DMXL2: variants seen among roughly 807,000 people sequenced by gnomAD.
DMXL2 encodes dmX-like protein 2.
In DMXL2, 103 loss-of-function variants were observed where a neutral mutation model predicts 331.1. That is an observed-to-expected ratio of 0.31 (90% CI 0.27 to 0.37). The LOEUF is 0.37. Ranked by LOEUF, DMXL2 falls within the 10% of genes least tolerant of loss-of-function variation. The pLI is 1.00. For missense variants in DMXL2, 3,171 were observed against 3,642.9 expected, an observed-to-expected ratio of 0.87 and a Z score of 3.33; for synonymous variants, 1,281 against 1,252.1, an observed-to-expected ratio of 1.02 and a Z score of -0.49.
chr15:51,453,028 G>A (rs2039291349), intron 41 of DMXL2, among the ~76,000 whole-genome samples: 3 of 152,194 alleles, frequency 2.0e-5, no homozygotes. Flanking sequence ...GTAAGTGGGA[G>A]CTAAGCTATG....
intron 1 of DMXL2, among the ~76,000 whole-genome samples, chr15:51,619,559 C>G (rs1264927226): frequency 6.6e-6 from 1 of 152,114 alleles, no homozygotes; most frequent in Non-Finnish European, 1.5e-5. Flanking sequence ...CACAGCCAAC[C>G]AATCACGCCA....
In DMXL2 at chr15:51,458,547, T is replaced by G. The variant is rs778425893; in HGVS notation, c.8157A>C (p.Ser2719=). 6.2e-7 allele frequency: 1 copy of G among 1,613,952 alleles called. No individual in the cohort carries two copies. The highest frequency in any genetic ancestry group is 1.1e-5 in the South Asian group (1 of 91,068). The change falls in exon 36 of 44, where the codon TCA becomes TCC. Residue 2719 remains serine, a synonymous_variant. Transcript: ENST00000560891. ...CATATTCTTCTCCGATCCATATGTATGACTGACAGGCCAGTAGAGAAGTAA... is the reference window on the plus strand; with the variant it reads ...CATATTCTTCTCCGATCCATATGTAGGACTGACAGGCCAGTAGAGAAGTAA... ...LDVTSLLACQ[S]YIWIGEEYDR...
At chr15:51,578,581 T>G (rs1384371043) in intron 1 of DMXL2, among the ~76,000 whole-genome samples, 1 of 152,208 alleles carries the variant, frequency 6.6e-6, no homozygotes, top group South Asian at 2.1e-4. Flanking sequence ...AAAATCTACA[T>G]GGATAAAATA....
At chr15:51,565,266 C>G (rs771614968) in intron 3 of DMXL2, 100 bp from the exon 4 acceptor site, 8 of 642,360 alleles carry the variant, frequency 1.2e-5, no homozygotes, top group African/African-American at 5.8e-5. Context: ...CAACTTAAGA[C>G]TTTAAGATCT....
chr15:51,556,609 C>T (rs1432144336), intron 6 of DMXL2, among the ~76,000 whole-genome samples: 3 of 151,592 alleles, frequency 2.0e-5, no homozygotes, highest in Non-Finnish European at 4.4e-5. Flanking sequence ...TTCATCTCTA[C>T]CAAAAATACA....
intron 1 of DMXL2, among the ~76,000 whole-genome samples, chr15:51,590,613 A>T (rs2052227982): frequency 6.6e-6 from 1 of 152,034 alleles, no homozygotes; most frequent in Non-Finnish European, 1.5e-5. Flanking sequence ...AGTTGGACTC[A>T]AACTCCTAGG....
At position 51,553,789 on chromosome 15, in the gene DMXL2, T is replaced by TA. The variant is rs34022999; in HGVS notation, c.568-6382dup. Among the ~76,000 whole-genome samples, 1,401 of 147,304 alleles carry TA rather than the reference T, an allele frequency of 9.5e-3. 21 individuals carry two copies. The highest frequency in any genetic ancestry group is 0.033 in the African/African-American group (1,335 of 40,006). ...CATATTGGATGCCACATGCAGGGTTTAAAAAAAAAAAAAGAGTAGAGTATA... is the reference window on the plus strand; with the variant it reads ...CATATTGGATGCCACATGCAGGGTTTAAAAAAAAAAAAAAGAGTAGAGTATA... On this transcript the variant is annotated intron_variant, in intron 6 of 43. Coordinates refer to ENST00000560891, the MANE Select transcript of DMXL2 (RefSeq NM_001378457.1).
intron 1 of DMXL2, among the ~76,000 whole-genome samples, chr15:51,590,008 T>C (rs992185629): frequency 6.6e-6 from 1 of 152,228 alleles, no homozygotes; most frequent in Admixed American, 6.5e-5. Flanking sequence ...GTATTGTTCA[T>C]CTTATTCACA....
At chr15:51,548,710 T>C (rs899697578) in intron 6 of DMXL2, among the ~76,000 whole-genome samples, 1 of 152,098 alleles carries the variant, frequency 6.6e-6, no homozygotes, top group African/African-American at 2.4e-5. Flanking sequence ...CTATTTCATC[T>C]GTTATTGTCT....
chr15:51,542,504 T>C lies in DMXL2; in HGVS notation c.934A>G (p.Ile312Val), dbSNP rs757135697. 58 of 1,605,980 alleles carry C rather than the reference T, an allele frequency of 3.6e-5. No homozygotes were observed. Among genetic ancestry groups the C allele is most frequent in the Non-Finnish European group, 4.6e-5 (54 of 1,174,900 alleles). Residue 312 changes from isoleucine (I) to valine (V), a missense_variant, in exon 9 of 44, where the codon ATA (isoleucine) becomes GTA (valine). Physicochemically the swap from Ile to Val is conservative, Grantham distance 29 (BLOSUM62 3). Transcript: ENST00000560891. ...KDRIQHALETIHHLKNLRKGQ... is the reference protein window; with the variant it reads ...KDRIQHALETVHHLKNLRKGQ... ...TTCCTTAAATTTTTCAAATGGTGTA[T>C]TGTCTAAAATAGAAAAATAGTTGCT...
chr15:51,489,548 T>A (rs2042642074), intron 20 of DMXL2, among the ~76,000 whole-genome samples: 1 of 151,992 alleles, frequency 6.6e-6, no homozygotes, highest in Admixed American at 6.6e-5. Flanking sequence ...TCCCAGCTAC[T>A]TGGAGGCTGG....
chr15:51,571,223 C>T (rs1214062799), intron 2 of DMXL2, among the ~76,000 whole-genome samples: 4 of 152,274 alleles, frequency 2.6e-5, no homozygotes, highest in Admixed American at 6.5e-5. Flanking sequence ...ATCAATTCAA[C>T]GAGAAGAGCT....
In DMXL2 at chr15:51,447,982, A is replaced by G. The variant is rs1031968366; in HGVS notation, c.*1002T>C. 5 of 152,658 alleles carry G rather than the reference A, an allele frequency of 3.3e-5. No individual in the cohort carries two copies. Among genetic ancestry groups the G allele is most frequent in the African/African-American group, 9.6e-5 (4 of 41,462 alleles). The allele number at this position is 152,658 out of a possible 1,614,324, so 9.5% of individuals were successfully genotyped here. On this transcript the variant is annotated 3_prime_UTR_variant, in exon 44 of 44. Coordinates refer to ENST00000560891, the MANE Select transcript of DMXL2 (RefSeq NM_001378457.1). ...CAGACATTAGTTTCAGTATCTCAAC[A>G]TATTTTTGGTCATAACCAAGGAAAT...
At chr15:51,482,817 T>C (rs966490135) in intron 23 of DMXL2, among the ~76,000 whole-genome samples, 4 of 152,232 alleles carry the variant, frequency 2.6e-5, no homozygotes, top group African/African-American at 9.6e-5. Context: ...GCAAGATGGC[T>C]GCTAGACACA....
At chr15:51,552,733 T>C (rs190974028) in intron 6 of DMXL2, among the ~76,000 whole-genome samples, 1 of 152,324 alleles carries the variant, frequency 6.6e-6, no homozygotes, top group East Asian at 1.9e-4. Context: ...CTGAGTCCCA[T>C]TCTCTTCTCT....
intron 18 of DMXL2, among the ~76,000 whole-genome samples, chr15:51,496,596 A>T (rs559160803): frequency 6.0e-4 from 91 of 152,310 alleles, no homozygotes; most frequent in African/African-American, 2.0e-3. Context: ...ATTTAATGTG[A>T]TTTGGTTTTA....
chr15:51,551,999 A>C (rs2049250605), intron 6 of DMXL2, among the ~76,000 whole-genome samples: 1 of 152,222 alleles, frequency 6.6e-6, no homozygotes, highest in South Asian at 2.1e-4. Context: ...AGGATACATA[A>C]AAGACGACCA....
At chr15:51,483,340 G>A (rs552102109) in intron 23 of DMXL2, among the ~76,000 whole-genome samples, 4 of 152,256 alleles carry the variant, frequency 2.6e-5, no homozygotes, top group African/African-American at 9.6e-5. Flanking sequence ...TCCAACACTG[G>A]GGACCCGTCT....
At chr15:51,533,859 C>A (rs1465279064) in intron 13 of DMXL2, among the ~76,000 whole-genome samples, 1 of 152,152 alleles carries the variant, frequency 6.6e-6, no homozygotes, top group East Asian at 1.9e-4. Flanking sequence ...TAATAACTGA[C>A]TCAGATGGTG....
Sources: allele counts gnomAD v4.1 joint callset (sites outside exome capture counted in the v4.1 genomes callset), GRCh38; gene constraint gnomAD v4.1.1; transcripts MANE v1.5; gene names NCBI Gene and HGNC (gene_info 2026-07-23, HGNC 2026-07-21).